C2CD4A: variants seen among roughly 807,000 people sequenced by gnomAD.
The protein encoded by C2CD4A is C2 calcium dependent domain containing 4A.
C2CD4A carries 2 observed loss-of-function variants against 0.4 expected under a neutral mutation model. That is an observed-to-expected ratio of 4.45 (90% CI 1.82 to 13.99). C2CD4A has a LOEUF of 13.99. Among genes scored for constraint, C2CD4A ranks in the 30% most tolerant of loss-of-function variants. The pLI, the probability that C2CD4A is intolerant of heterozygous loss-of-function variation, is 0.04. For synonymous variants in C2CD4A, 297 were observed against 280.8 expected, an observed-to-expected ratio of 1.06 and a Z score of -0.58; for missense variants, 610 against 574.2, an observed-to-expected ratio of 1.06 and a Z score of -0.64.
At position 62,070,817 on chromosome 15, in the gene C2CD4A, T is replaced by C. The variant is rs1039578840; in HGVS notation, c.*2094T>C. ...CCCTCAAGCCAACATTCATTTTTTATGTATAACCTTCTTCATGATTTTGAA... is the reference window on the plus strand; with the variant it reads ...CCCTCAAGCCAACATTCATTTTTTACGTATAACCTTCTTCATGATTTTGAA... On this transcript the variant is annotated 3_prime_UTR_variant, in exon 2 of 2. Coordinates refer to ENST00000355522, the MANE Select transcript of C2CD4A (RefSeq NM_207322.3). The C allele has an allele frequency of 3.5e-6, 1 of 288,520 alleles. No individual in the cohort carries two copies. The highest frequency in any genetic ancestry group is 6.7e-6 in the Non-Finnish European group (1 of 149,976). 17.9% of individuals were successfully genotyped at this position (288,520 alleles called of 1,614,324 possible). A position where few individuals can be genotyped will look rare whatever the true frequency, so the allele number is the denominator to read the frequency against.
rs996104917 is a variant in C2CD4A at position 62,068,282 on chromosome 15, G to C, written c.669G>C (p.Pro223=). 2 of 1,389,588 alleles carry C rather than the reference G, an allele frequency of 1.4e-6. No individual in the cohort carries two copies. The highest frequency in any genetic ancestry group is 3.0e-5 in the Admixed American group (1 of 33,186). 86.1% of individuals were successfully genotyped at this position (1,389,588 alleles called of 1,614,324 possible). A position where few individuals can be genotyped will look rare whatever the true frequency, so the allele number is the denominator to read the frequency against. The part of the protein sequence containing the change: ...DKERRAGSQS[P]ARAPSTSPPS... ...AGCGCCGCGCGGGCTCCCAGTCCCCGGCCCGGGCCCCCTCCACGAGCCCGC... is the reference window on the plus strand; with the variant it reads ...AGCGCCGCGCGGGCTCCCAGTCCCCCGCCCGGGCCCCCTCCACGAGCCCGC... Residue 223 remains proline, a synonymous_variant, in exon 2 of 2, where the codon CCG becomes CCC. Transcript: ENST00000355522.
At position 62,068,076 on chromosome 15, in the gene C2CD4A, G is replaced by A. The variant is rs2049057586; in HGVS notation, c.463G>A (p.Gly155Ser). ...GACCCTGCGCGTCCCGCGAGCTCCGGGCCCGGCGACCCCCGCGGCCCCCGG... is the reference window on the plus strand; with the variant it reads ...GACCCTGCGCGTCCCGCGAGCTCCGAGCCCGGCGACCCCCGCGGCCCCCGG... The part of the protein sequence containing the change: ...LGTLRVPRAP[G>S]PATPAAPGCP... The change falls in exon 2 of 2, where the codon GGC (glycine) becomes AGC (serine). Residue 155 changes from glycine (G) to serine (S), a missense_variant. Physicochemically the swap from Gly to Ser is moderately conservative, Grantham distance 56. Coordinates refer to ENST00000355522, the MANE Select transcript of C2CD4A (RefSeq NM_207322.3). 6 of 1,141,248 alleles carry A rather than the reference G, an allele frequency of 5.3e-6. No homozygotes were observed. The highest frequency in any genetic ancestry group is 6.4e-6 in the Non-Finnish European group (6 of 932,578). The allele number at this position is 1,141,248 out of a possible 1,614,324, so 70.7% of individuals were successfully genotyped here.
rs530018168 is a variant in C2CD4A at position 62,067,736 on chromosome 15, C to G, written c.123C>G (p.Leu41=). The change falls in exon 2 of 2, where the codon CTC becomes CTG. Residue 41 remains leucine, a synonymous_variant. Coordinates refer to ENST00000355522, the MANE Select transcript of C2CD4A (RefSeq NM_207322.3). The part of the protein sequence containing the change: ...SRTTAACANV[L]TPDRIPEFCI... ...CCACCGCCGCGTGCGCAAATGTGCT[C>G]ACTCCGGACCGCATCCCTGAGTTCT... is the stretch of plus-strand genomic sequence containing the variant. 1.2e-6 allele frequency: 2 copies of G among 1,612,646 alleles called. No individual in the cohort carries two copies. Among genetic ancestry groups the G allele is most frequent in the Non-Finnish European group, 1.7e-6 (2 of 1,179,964 alleles).
At position 62,068,371 on chromosome 15, in the gene C2CD4A, C is replaced by T. The variant is rs1261721473; in HGVS notation, c.758C>T (p.Ala253Val). ...EAEGTVALGR[A>V]GDALRLAAEY... ...GAGGGCACCGTGGCTCTGGGCCGCG[C>T]CGGCGACGCCCTGCGCCTGGCCGCC... is the stretch of plus-strand genomic sequence containing the variant. Residue 253 changes from alanine to valine, a missense_variant, in exon 2 of 2, where the codon GCC becomes GTC. Ala to Val is a moderately conservative substitution (Grantham distance 64). Transcript: ENST00000355522. 23 of 1,360,974 alleles carry T rather than the reference C, an allele frequency of 1.7e-5. No homozygotes were observed. The highest frequency in any genetic ancestry group is 1.9e-5 in the Non-Finnish European group (20 of 1,062,174). 84.3% of individuals were successfully genotyped at this position (1,360,974 alleles called of 1,614,324 possible).
At position 62,067,852 on chromosome 15, in the gene C2CD4A, G is replaced by T. The variant is rs376974409; in HGVS notation, c.239G>T (p.Arg80Leu). Residue 80 changes from arginine (R) to leucine (L), a missense_variant, in exon 2 of 2, where the codon CGC becomes CTC. By Grantham distance (102) the Arg-to-Leu change is moderately radical. Coordinates refer to ENST00000355522, the MANE Select transcript of C2CD4A (RefSeq NM_207322.3). ...GCAGGGATGGACGAGGGCGCCGGCC[G>T]CACAGACTGGGACCCGCGCTCGCAG... The part of the protein sequence containing the change: ...EEAGMDEGAG[R>L]TDWDPRSQAA... 7.1e-5 allele frequency: 115 copies of T among 1,608,996 alleles called. 1 individual carries two copies. The highest frequency in any genetic ancestry group is 4.4e-4 in the Middle Eastern group (2 of 4,574).
intron 1 of C2CD4A, 105 bp from the exon 2 acceptor site, chr15:62,067,480 A>T (rs1272223129): frequency 2.1e-6 from 2 of 972,908 alleles, no homozygotes; most frequent in Admixed American, 5.8e-5. Context: ...GTTTCGGGAA[A>T]GGCAGGAAGA....
In C2CD4A at chr15:62,068,236, C is replaced by G. The variant is rs1470015892; in HGVS notation, c.623C>G (p.Ser208Cys). 7.3e-7 allele frequency: 1 copy of G among 1,376,646 alleles called. No homozygotes were observed. Among genetic ancestry groups the G allele is most frequent in the Non-Finnish European group, 9.4e-7 (1 of 1,063,984 alleles). 85.3% of individuals were successfully genotyped at this position (1,376,646 alleles called of 1,614,324 possible). A position where few individuals can be genotyped will look rare whatever the true frequency, so the allele number is the denominator to read the frequency against. ...SRRLTRVRSVSSGNEDKERRA... is the reference protein window; with the variant it reads ...SRRLTRVRSVCSGNEDKERRA... ...CGCCTGACCCGCGTCCGCTCCGTCTCCAGCGGGAACGAGGACAAGGAGCGC... is the reference window on the plus strand; with the variant it reads ...CGCCTGACCCGCGTCCGCTCCGTCTGCAGCGGGAACGAGGACAAGGAGCGC... Residue 208 changes from serine (S) to cysteine (C), a missense_variant, in exon 2 of 2, where the codon TCC (serine) becomes TGC (cysteine). Ser to Cys is a moderately radical substitution (Grantham distance 112, BLOSUM62 -1). Coordinates refer to ENST00000355522, the MANE Select transcript of C2CD4A (RefSeq NM_207322.3).
Position 62,068,305 on chromosome 15 carries a change from C to T in C2CD4A, c.692C>T (p.Pro231Leu). ...CCGGCCCGGGCCCCCTCCACGAGCC[C>T]GCCGTCGTCCCGGGTCCCGTTTCCC... ...QSPARAPSTS[P>L]PSSRVPFPER... The change falls in exon 2 of 2, where the codon CCG becomes CTG. Residue 231 changes from proline (P) to leucine (L), a missense_variant. Transcript: ENST00000355522. 1 of 1,418,814 alleles carries T rather than the reference C, an allele frequency of 7.0e-7. No homozygotes were observed. The highest frequency in any genetic ancestry group is 1.4e-5 in the South Asian group (1 of 70,254). The allele number at this position is 1,418,814 out of a possible 1,614,324, so 87.9% of individuals were successfully genotyped here.
Position 62,068,923 on chromosome 15 carries a change from A to G in C2CD4A, c.*200A>G, listed in dbSNP as rs1014728241. On this transcript the variant is annotated 3_prime_UTR_variant, in exon 2 of 2. Coordinates refer to ENST00000355522, the MANE Select transcript of C2CD4A (RefSeq NM_207322.3). ...TCCAGAATTTTTTTCAGCAAATGGA[A>G]TGGTTCTACAGTGTTTCCCAATATA... The G allele has an allele frequency of 9.9e-6, 7 of 704,902 alleles. No homozygotes were observed. The African/African-American group carries it at 1.3e-4, about 13-fold the overall frequency. The allele number at this position is 704,902 out of a possible 1,614,324, so 43.7% of individuals were successfully genotyped here.
rs1241999357 is a variant in C2CD4A at position 62,068,414 on chromosome 15, C to T, written c.801C>T (p.Thr267=). Residue 267 remains threonine (T), a synonymous_variant, in exon 2 of 2, where the codon ACC becomes ACT. Transcript: ENST00000355522. The part of the protein sequence containing the change: ...LRLAAEYCPG[T]GRLRLRLLRA... ...TGGCCGCCGAGTACTGTCCGGGAAC[C>T]GGGCGGCTCCGCCTCCGGCTGCTCC... The T allele has an allele frequency of 1.0e-5, 14 of 1,399,210 alleles. No homozygotes were observed. The South Asian group carries it at 1.9e-4, about 19-fold the overall frequency. 86.7% of individuals were successfully genotyped at this position (1,399,210 alleles called of 1,614,324 possible).
Position 62,068,629 on chromosome 15 carries a change from T to TGCG in C2CD4A, c.1016_1017insGCG (p.Arg340dup). 1 of 1,557,128 alleles carries TGCG rather than the reference T, an allele frequency of 6.4e-7. No individual in the cohort carries two copies. The highest frequency in any genetic ancestry group is 1.2e-5 in the South Asian group (1 of 84,628). On this transcript the variant is annotated inframe_insertion, in exon 2 of 2. Coordinates refer to ENST00000355522, the MANE Select transcript of C2CD4A (RefSeq NM_207322.3). ...GAGGACGAAGTGCGCCGCCTGGCCG[T>TGCG]TCGAGTCAAGGCCCGGGACGAGGGC...
At chr15:62,067,369 G>A (rs1254061425) in intron 1 of C2CD4A, among the ~76,000 whole-genome samples, 3 of 152,320 alleles carry the variant, frequency 2.0e-5, no homozygotes, top group South Asian at 4.1e-4. Flanking sequence ...GCTCCGAAGT[G>A]TGTATTACAA....
Position 62,068,269 on chromosome 15 carries a change from G to A in C2CD4A, c.656G>A (p.Gly219Asp). The A allele has an allele frequency of 1.5e-6, 2 of 1,379,192 alleles. No homozygotes were observed. Among genetic ancestry groups the A allele is most frequent in the Non-Finnish European group, 1.9e-6 (2 of 1,067,620 alleles). 85.4% of individuals were successfully genotyped at this position (1,379,192 alleles called of 1,614,324 possible). ...AACGAGGACAAGGAGCGCCGCGCGG[G>A]CTCCCAGTCCCCGGCCCGGGCCCCC... is the stretch of plus-strand genomic sequence containing the variant. Reference protein sequence around the residue: ...SGNEDKERRAGSQSPARAPST... With the variant: ...SGNEDKERRADSQSPARAPST... Residue 219 changes from glycine to aspartate, a missense_variant, in exon 2 of 2, where the codon GGC becomes GAC. Gly to Asp is a moderately conservative substitution (Grantham distance 94). Transcript: ENST00000355522.
chr15:62,069,952 A>C lies in C2CD4A; in HGVS notation c.*1229A>C, dbSNP rs2049074103. ...GGCATTGAGATGAGCTGATGGGTCT[A>C]AAGCTCTGAGGAGGAAGCTAACCGG... is the stretch of plus-strand genomic sequence containing the variant. On this transcript the variant is annotated 3_prime_UTR_variant, in exon 2 of 2. Coordinates refer to ENST00000355522, the MANE Select transcript of C2CD4A (RefSeq NM_207322.3). The C allele has an allele frequency of 5.2e-6, 1 of 192,448 alleles. No homozygotes were observed. Among genetic ancestry groups the C allele is most frequent in the Admixed American group, 6.3e-5 (1 of 15,994 alleles). 11.9% of individuals were successfully genotyped at this position (192,448 alleles called of 1,614,324 possible).
chr15:62,067,868 G>A lies in C2CD4A; in HGVS notation c.255G>A (p.Pro85=), dbSNP rs201702097. The A allele has an allele frequency of 3.7e-6, 6 of 1,606,852 alleles. No homozygotes were observed. Among genetic ancestry groups the A allele is most frequent in the Non-Finnish European group, 5.1e-6 (6 of 1,179,042 alleles). ...DEGAGRTDWD[P]RSQAALSLPH... is the part of the protein sequence containing the mutation. ...GCGCCGGCCGCACAGACTGGGACCCGCGCTCGCAGGCCGCGCTGTCACTGC... is the reference window on the plus strand; with the variant it reads ...GCGCCGGCCGCACAGACTGGGACCCACGCTCGCAGGCCGCGCTGTCACTGC... The change falls in exon 2 of 2, where the codon CCG becomes CCA. Residue 85 remains proline, a synonymous_variant. Transcript: ENST00000355522.
In C2CD4A at chr15:62,070,415, G is replaced by A. The variant is rs1277379876; in HGVS notation, c.*1692G>A. The A allele has an allele frequency of 1.5e-5, 6 of 413,228 alleles. No individual in the cohort carries two copies. Among genetic ancestry groups the A allele is most frequent in the East Asian group, 1.1e-4 (3 of 28,088 alleles). 25.6% of individuals were successfully genotyped at this position (413,228 alleles called of 1,614,324 possible). On this transcript the variant is annotated 3_prime_UTR_variant, in exon 2 of 2. Coordinates refer to ENST00000355522, the MANE Select transcript of C2CD4A (RefSeq NM_207322.3). ...ACCTCCTGACACAAGCTGTCATCCC[G>A]CTTTGGCTTCTCAAAGTGCTAGGAT...
Position 62,069,048 on chromosome 15 carries a change from A to T in C2CD4A, c.*325A>T, listed in dbSNP as rs533883088. 9.8e-6 allele frequency: 3 copies of T among 305,234 alleles called. No individual in the cohort carries two copies. The highest frequency in any genetic ancestry group is 1.9e-5 in the Non-Finnish European group (3 of 157,808). The allele number at this position is 305,234 out of a possible 1,614,324, so 18.9% of individuals were successfully genotyped here. Reference sequence around the variant, plus strand: ...AGTGTCTTGGCGATCTGTTTGCTCCAATCACCTCATTTTAAAATTGGTGCT... The same window carrying T: ...AGTGTCTTGGCGATCTGTTTGCTCCTATCACCTCATTTTAAAATTGGTGCT... On this transcript the variant is annotated 3_prime_UTR_variant, in exon 2 of 2. Coordinates refer to ENST00000355522, the MANE Select transcript of C2CD4A (RefSeq NM_207322.3).
In C2CD4A at chr15:62,068,282, G is replaced by A. The variant is rs996104917; in HGVS notation, c.669G>A (p.Pro223=). The change falls in exon 2 of 2, where the codon CCG becomes CCA. Residue 223 remains proline (P), a synonymous_variant. Coordinates refer to ENST00000355522, the MANE Select transcript of C2CD4A (RefSeq NM_207322.3). The part of the protein sequence containing the change: ...DKERRAGSQS[P]ARAPSTSPPS... ...AGCGCCGCGCGGGCTCCCAGTCCCC[G>A]GCCCGGGCCCCCTCCACGAGCCCGC... 4.0e-5 allele frequency: 55 copies of A among 1,389,480 alleles called. No individual in the cohort carries two copies. The highest frequency in any genetic ancestry group is 5.1e-5 in the Non-Finnish European group (55 of 1,072,770). The allele number at this position is 1,389,480 out of a possible 1,614,324, so 86.1% of individuals were successfully genotyped here. A position where few individuals can be genotyped will look rare whatever the true frequency, so the allele number is the denominator to read the frequency against.
rs2049075924 is a variant in C2CD4A, at chr15:62,070,390, A to G, written c.*1667A>G. On this transcript the variant is annotated 3_prime_UTR_variant, in exon 2 of 2. Transcript: ENST00000355522. ...GTGATCATAGCTCACTGCAGCCTCT[A>G]CCTCCTGACACAAGCTGTCATCCCG... 2.4e-6 allele frequency: 1 copy of G among 413,200 alleles called. No individual in the cohort carries two copies. 25.6% of individuals were successfully genotyped at this position (413,200 alleles called of 1,614,324 possible). A position where few individuals can be genotyped will look rare whatever the true frequency, so the allele number is the denominator to read the frequency against.
Sources: allele counts gnomAD v4.1 joint callset (sites outside exome capture counted in the v4.1 genomes callset), GRCh38; gene constraint gnomAD v4.1.1; transcripts MANE v1.5; gene names NCBI Gene and HGNC (gene_info 2026-07-23, HGNC 2026-07-21).